RMP64: variants seen among roughly 807,000 people sequenced by gnomAD.
RMP64 encodes the protein nucleolus and neural progenitor protein.
At chr3:113,012,342 C>T in the RMP64 span, among the ~76,000 whole-genome samples, 1 of 152,190 alleles carries the variant, frequency 6.6e-6, no homozygotes, top group Non-Finnish European at 1.5e-5. Flanking sequence ...TTTTAAACGG[C>T]CTGTTGCAAT....
At chr3:113,017,629 T>C in the RMP64 span, 21 of 1,596,228 alleles carry the variant, frequency 1.3e-5, no homozygotes, top group African/African-American at 2.3e-4. Context: ...TAATAAGATT[T>C]AGTATGTATT....
At chr3:113,016,363 T>A in the RMP64 span, among the ~76,000 whole-genome samples, 1 of 152,074 alleles carries the variant, frequency 6.6e-6, no homozygotes, top group African/African-American at 2.4e-5. Flanking sequence ...GAAAGGAAAA[T>A]GGCAGCCAGA....
At chr3:113,014,240 A>G in the RMP64 span, 2 of 459,452 alleles carry the variant, frequency 4.4e-6, no homozygotes, top group African/African-American at 2.0e-5. Context: ...AGCCAAACAC[A>G]TTTTTAAAAT....
the RMP64 span, chr3:113,012,888 T>C: frequency 2.3e-6 from 2 of 871,946 alleles, no homozygotes; most frequent in Non-Finnish European, 3.9e-6. Context: ...AATGAAGAAA[T>C]ATATTGGAAG....
At chr3:113,011,242 T>C in the RMP64 span, 27 of 1,613,094 alleles carry the variant, frequency 1.7e-5, no homozygotes, top group Non-Finnish European at 2.3e-5. Flanking sequence ...CATTTTTTTC[T>C]TAAAGGCTTC....
the RMP64 span, chr3:113,013,452 T>G: frequency 0.053 from 66,332 of 1,253,682 alleles, 2,249 homozygotes; most frequent in African/African-American, 0.24. Context: ...AAAAAAAGGG[T>G]TTTTTTTTTG....
At chr3:113,018,466 T>C in the RMP64 span, among the ~76,000 whole-genome samples, 4 of 152,178 alleles carry the variant, frequency 2.6e-5, no homozygotes, top group Non-Finnish European at 5.9e-5. Context: ...GTAAAGTGTG[T>C]AGGATGGATA....
At chr3:113,004,691 G>A in the RMP64 span, 8 of 152,068 alleles carry the variant, frequency 5.3e-5, no homozygotes, top group African/African-American at 4.8e-5. Context: ...GCAACAGTAC[G>A]AGCAACATCC....
the RMP64 span, among the ~76,000 whole-genome samples, chr3:113,015,722 A>G: frequency 9.3e-4 from 141 of 152,344 alleles, 3 homozygotes; most frequent in South Asian, 0.027. Flanking sequence ...CAGCTGCAGC[A>G]GTAACATAAG....
At chr3:113,019,524 G>A in the RMP64 span, 1 of 1,593,094 alleles carries the variant, frequency 6.3e-7, no homozygotes, top group Non-Finnish European at 8.6e-7. Flanking sequence ...CCCCATCCTC[G>A]CCCGGCGCCT....
At chr3:113,010,422 C>G in the RMP64 span, 12,547 of 509,414 alleles carry the variant, frequency 0.025, 221 homozygotes, top group African/African-American at 0.033. Context: ...TCTAGAGAAA[C>G]TCCTACTAAA....
the RMP64 span, among the ~76,000 whole-genome samples, chr3:113,006,177 C>T: frequency 6.6e-6 from 1 of 152,278 alleles, no homozygotes; most frequent in African/African-American, 2.4e-5. Context: ...TTTTTGAGAG[C>T]ACAAATGCCC....
At chr3:113,019,554 C>T in the RMP64 span, 65 of 1,613,132 alleles carry the variant, frequency 4.0e-5, no homozygotes, top group Non-Finnish European at 4.6e-5. Context: ...AGGGCCGCGC[C>T]GGGGTTCTGC....
chr3:113,005,385 T>C, the RMP64 span: 3 of 608,788 alleles, frequency 4.9e-6, no homozygotes, highest in African/African-American at 1.9e-5. Context: ...CTACTTTAAA[T>C]GTAGACTGAA....
chr3:113,017,591 C>T, the RMP64 span: 1 of 1,613,896 alleles, frequency 6.2e-7, no homozygotes, highest in South Asian at 1.1e-5. Context: ...ATTACAGCTG[C>T]AATGCAAAGG....
chr3:113,008,643 C>A, the RMP64 span: 2 of 384,418 alleles, frequency 5.2e-6, no homozygotes, highest in Non-Finnish European at 9.3e-6. Flanking sequence ...ATACCTGCTA[C>A]GTACCCACAA....
At chr3:113,012,268 T>C in the RMP64 span, among the ~76,000 whole-genome samples, 3 of 152,196 alleles carry the variant, frequency 2.0e-5, no homozygotes, top group South Asian at 2.1e-4. Flanking sequence ...ATCATTGCCA[T>C]TAAAAATTAG....
the RMP64 span, chr3:113,008,822 T>C: frequency 3.5e-5 from 6 of 171,408 alleles, no homozygotes; most frequent in Non-Finnish European, 7.7e-5. Context: ...TAGATTGACA[T>C]AGGAAAGTTA....
At chr3:113,002,656 AGT>A in the RMP64 span, 28,776 of 151,026 alleles carry the variant, frequency 0.19, 4,365 homozygotes, top group African/African-American at 0.42. Context: ...CAGGATTTAC[AGT>A]GTGTGTGTGT....
Sources: gnomAD v4.1 joint callset for allele counts (sites outside exome capture counted in the v4.1 genomes callset) on GRCh38, gnomAD v4.1.1 for gene constraint, MANE v1.5 for transcripts, NCBI Gene and HGNC (gene_info 2026-07-23, HGNC 2026-07-21) for gene names.